MCTP1: variants seen among roughly 807,000 people sequenced by gnomAD.
MCTP1 encodes multiple C2 and transmembrane domain containing 1.
Under a neutral mutation model 120.6 loss-of-function variants are expected in MCTP1, and 69 were observed. That is an observed-to-expected ratio of 0.57 (90% CI 0.47 to 0.70). The LOEUF (loss-of-function observed/expected upper bound fraction) is 0.70, where lower values mean the gene tolerates loss of function less well. Among genes scored for constraint, MCTP1 ranks in the 30% least tolerant of loss-of-function variants. The pLI is 0.00. For missense variants in MCTP1, 1,203 were observed against 1,248.8 expected, an observed-to-expected ratio of 0.96 and a Z score of 0.55; for synonymous variants, 529 against 493.1, an observed-to-expected ratio of 1.07 and a Z score of -0.96.
At chr5:95,140,004 C>T in intron 1 of MCTP1, among the ~76,000 whole-genome samples, 1 of 152,210 alleles carries the variant, frequency 6.6e-6, no homozygotes, top group Non-Finnish European at 1.5e-5. Context: ...CTGAGCTGCT[C>T]TTCCATGCTG....
chr5:94,976,868 A>T (rs538250409), intron 2 of MCTP1: 1 of 152,268 alleles, frequency 6.6e-6, no homozygotes, highest in East Asian at 1.9e-4. Context: ...CCCATAGCTA[A>T]TATCATACTC....
chr5:95,283,396 C>G (rs1760475457), intron 1 of MCTP1, among the ~76,000 whole-genome samples: 1 of 152,200 alleles, frequency 6.6e-6, no homozygotes. Context: ...TGGCACAGGA[C>G]CTCACATGTG....
chr5:94,768,284 T>C (rs1048798330), intron 19 of MCTP1, among the ~76,000 whole-genome samples: 3 of 152,096 alleles, frequency 2.0e-5, no homozygotes, highest in Non-Finnish European at 2.9e-5. Context: ...AATGTTAAGA[T>C]GTAAAACTAT....
At chr5:95,279,114 T>C (rs965556227) in intron 1 of MCTP1, among the ~76,000 whole-genome samples, 11 of 152,216 alleles carry the variant, frequency 7.2e-5, no homozygotes, top group African/African-American at 2.7e-4. Flanking sequence ...GTGGACATAT[T>C]ATTTATACTC....
At position 95,283,895 on chromosome 5, in the gene MCTP1, AGACTCCGCGGGACTCCGCGCC is replaced by A; in HGVS notation, c.660_680del (p.Ala221_Ser227del). ...GCTCCTCGCCCGTCTCCGGGGCCCG[AGACTCCGCGGGACTCCGCGCC>A]GGCTCTGCGGGAGGAGGCGGCGGCT... On this transcript the variant is annotated inframe_deletion, in exon 1 of 23. Transcript: ENST00000515393. 1 of 1,381,758 alleles carries A rather than the reference AGACTCCGCGGGACTCCGCGCC, an allele frequency of 7.2e-7. No homozygotes were observed. The highest frequency in any genetic ancestry group is 9.3e-7 in the Non-Finnish European group (1 of 1,076,918). The allele number at this position is 1,381,758 out of a possible 1,614,324, so 85.6% of individuals were successfully genotyped here.
At chr5:94,970,025 AT>A (rs1185270832) in intron 2 of MCTP1, among the ~76,000 whole-genome samples, 1 of 152,012 alleles carries the variant, frequency 6.6e-6, no homozygotes, top group African/African-American at 2.4e-5. Flanking sequence ...GTAAACCAAC[AT>A]TTTTTCCATA....
intron 1 of MCTP1, among the ~76,000 whole-genome samples, chr5:95,273,983 G>T (rs1759608957): frequency 6.6e-6 from 1 of 152,162 alleles, no homozygotes; most frequent in African/African-American, 2.4e-5. Flanking sequence ...CTCTCACTGA[G>T]ACTACTGTGG....
chr5:94,941,644 T>C (rs1347907279), intron 4 of MCTP1, among the ~76,000 whole-genome samples: 1 of 152,084 alleles, frequency 6.6e-6, no homozygotes, highest in Non-Finnish European at 1.5e-5. Context: ...CACAGTTCCC[T>C]TTGCAACCTA....
In MCTP1 at chr5:95,279,982, C is replaced by T. The variant is rs117250493; in HGVS notation, c.720+3874G>A. 9.2e-5 allele frequency among the ~76,000 whole-genome samples: 14 copies of T among 152,200 alleles called. No homozygotes were observed. In the East Asian group the frequency reaches 2.3e-3, roughly 25 times the overall value. ...ATTAGTTTTCTTCAGTGACTTTAGTCGTTTATAATAGGAATTATGTTTTTA... is the reference window on the plus strand; with the variant it reads ...ATTAGTTTTCTTCAGTGACTTTAGTTGTTTATAATAGGAATTATGTTTTTA... On this transcript the variant is annotated intron_variant, in intron 1 of 22. Transcript: ENST00000515393.
At chr5:95,265,134 G>A (rs1758782218) in intron 1 of MCTP1, among the ~76,000 whole-genome samples, 1 of 152,100 alleles carries the variant, frequency 6.6e-6, no homozygotes, top group South Asian at 2.1e-4. Context: ...GTATCATGTG[G>A]GGAACTACTG....
chr5:94,728,198 A>G (rs1389143864), intron 19 of MCTP1, among the ~76,000 whole-genome samples: 1 of 151,978 alleles, frequency 6.6e-6, no homozygotes, highest in African/African-American at 2.4e-5. Context: ...ATGCCTTTCA[A>G]TTTATTTGAG....
intron 2 of MCTP1, among the ~76,000 whole-genome samples, chr5:94,968,677 A>G (rs1437122): frequency 0.15 from 22,273 of 152,252 alleles, 1,666 homozygotes; most frequent in East Asian, 0.25. Context: ...GCAATATTGC[A>G]TAAAACCACA....
chr5:95,170,962 G>C (rs1416977732), intron 1 of MCTP1, among the ~76,000 whole-genome samples: 2 of 151,794 alleles, frequency 1.3e-5, no homozygotes, highest in Non-Finnish European at 2.9e-5. Context: ...TATGACGTTA[G>C]CTGGTTATTC....
At chr5:95,178,311 A>AC (rs776014563) in intron 1 of MCTP1, among the ~76,000 whole-genome samples, 7 of 152,034 alleles carry the variant, frequency 4.6e-5, no homozygotes, top group Non-Finnish European at 7.4e-5. Flanking sequence ...GAGCTCTATA[A>AC]CCCCACCCAC....
chr5:94,986,264 T>C (rs1009768921), intron 2 of MCTP1, among the ~76,000 whole-genome samples: 14 of 152,186 alleles, frequency 9.2e-5, no homozygotes, highest in Non-Finnish European at 5.9e-5. Context: ...TTTCTTTTTT[T>C]CCTCATACAA....
At chr5:94,770,360 C>T (rs1460019906) in intron 19 of MCTP1, among the ~76,000 whole-genome samples, 1 of 152,192 alleles carries the variant, frequency 6.6e-6, no homozygotes, top group Non-Finnish European at 1.5e-5. Flanking sequence ...AGGAAATTCA[C>T]TGCTGCAATA....
chr5:95,051,605 T>G (rs1745916654), intron 1 of MCTP1, among the ~76,000 whole-genome samples: 1 of 152,198 alleles, frequency 6.6e-6, no homozygotes, highest in South Asian at 2.1e-4. Context: ...TCTCTTATAC[T>G]TGACCAAGTG....
chr5:95,195,886 A>C (rs1229464027), intron 1 of MCTP1, among the ~76,000 whole-genome samples: 2 of 152,184 alleles, frequency 1.3e-5, no homozygotes, highest in African/African-American at 4.8e-5. Context: ...CCAATGTGTA[A>C]ATGTTCTCCA....
chr5:95,167,236 G>C (rs1193903280), intron 1 of MCTP1, among the ~76,000 whole-genome samples: 1 of 152,114 alleles, frequency 6.6e-6, no homozygotes, highest in Non-Finnish European at 1.5e-5. Context: ...AAGGACGTGA[G>C]CTCATCATTT....
Sources: allele counts gnomAD v4.1 joint callset (sites outside exome capture counted in the v4.1 genomes callset), GRCh38; gene constraint gnomAD v4.1.1; transcripts MANE v1.5; gene names NCBI Gene and HGNC (gene_info 2026-07-23, HGNC 2026-07-21).